Variants in PLD1 observed in about 807,000 individuals in gnomAD.
PLD1 encodes the protein phospholipase D1, also known as choline phosphatase 1.
Under a neutral mutation model 137.1 loss-of-function variants are expected in PLD1, and 112 were observed. The ratio of observed to expected loss-of-function variants is 0.82; its 90% confidence interval spans 0.70 to 0.96. The LOEUF (loss-of-function observed/expected upper bound fraction) is 0.96, where lower values mean the gene tolerates loss of function less well. Among genes scored for constraint, PLD1 ranks in the 40% least tolerant of loss-of-function variants. The probability of loss-of-function intolerance (pLI) is 0.00; values close to 1 mark genes in which losing one functional copy is unlikely to be tolerated. For synonymous variants in PLD1, 431 were observed against 454.7 expected (o/e 0.95, Z 0.66); for missense variants, 1,321 against 1,342.0 (o/e 0.98, Z 0.24).
rs1560289359 is a variant in PLD1, at chr3:171,764,938, GAAA to G, written c.-31-26859_-31-26857del. Reference sequence around the variant, plus strand: ...AAAGAAAGAAAGGAAAGAAAGGAAAGAAAGAAAGAAAGAAAGAAAGAAAGAAAG... The same window carrying G: ...AAAGAAAGAAAGGAAAGAAAGGAAAGGAAAGAAAGAAAGAAAGAAAGAAAG... On this transcript the variant is annotated intron_variant, in intron 1 of 26. Transcript: ENST00000351298. Among the ~76,000 whole-genome samples the G allele has an allele frequency of 3.5e-3, 22 of 6,216 alleles. 1 individual carries two copies. The highest frequency in any genetic ancestry group is 7.2e-3 in the Admixed American group (3 of 414). The allele number at this position is 6,216 out of a possible 152,430, so 4.1% of individuals were successfully genotyped here. A position where few individuals can be genotyped will look rare whatever the true frequency, so the allele number is the denominator to read the frequency against.
chr3:171,606,687 T>A (rs1001739401), intron 25 of PLD1, among the ~76,000 whole-genome samples: 2 of 152,210 alleles, frequency 1.3e-5, no homozygotes, highest in African/African-American at 4.8e-5. Context: ...CTCCTTGTAT[T>A]TAAATAAATG....
At chr3:171,765,068 A>G (rs1208460389) in intron 1 of PLD1, 2 of 152,154 alleles carry the variant, frequency 1.3e-5, no homozygotes, top group East Asian at 3.8e-4. Context: ...AGAGAGAGGT[A>G]GGGAGGATGG....
At position 171,764,878 on chromosome 3, in the gene PLD1, A is replaced by G. The variant is rs868673422; in HGVS notation, c.-31-26796T>C. Among the ~76,000 whole-genome samples, 55 of 21,164 alleles carry G rather than the reference A, an allele frequency of 2.6e-3. 1 individual carries two copies. Among genetic ancestry groups the G allele is most frequent in the African/African-American group, 5.0e-3 (26 of 5,226 alleles). The allele number at this position is 21,164 out of a possible 152,430, so 13.9% of individuals were successfully genotyped here. Reference sequence around the variant, plus strand: ...AAGAAAGAAAGAAAGAAAGAAAGAAAGAAAGAAAGAAAGAAAGGAAGGAAG... The same window carrying G: ...AAGAAAGAAAGAAAGAAAGAAAGAAGGAAAGAAAGAAAGAAAGGAAGGAAG... On this transcript the variant is annotated intron_variant, in intron 1 of 26. Transcript: ENST00000351298.
intron 6 of PLD1, among the ~76,000 whole-genome samples, chr3:171,732,662 C>T (rs1043521074): frequency 6.6e-6 from 1 of 152,206 alleles, no homozygotes; most frequent in Non-Finnish European, 1.5e-5. Flanking sequence ...GAGTTCTGCA[C>T]ATATATAATA....
At chr3:171,679,219 C>T (rs991552320) in intron 16 of PLD1, among the ~76,000 whole-genome samples, 1 of 152,230 alleles carries the variant, frequency 6.6e-6, no homozygotes, top group African/African-American at 2.4e-5. Context: ...TTTATGTAAT[C>T]ACCACACACA....
At chr3:171,795,257 T>C (rs1723386871) in intron 1 of PLD1, among the ~76,000 whole-genome samples, 1 of 152,232 alleles carries the variant, frequency 6.6e-6, no homozygotes, top group South Asian at 2.1e-4. Flanking sequence ...GTGTCGCCCA[T>C]GGGAACCTGG....
intron 1 of PLD1, chr3:171,791,688 G>A (rs1448083278): frequency 6.6e-6 from 1 of 152,164 alleles, no homozygotes; most frequent in Non-Finnish European, 1.5e-5. Flanking sequence ...TAAAAGGCTG[G>A]ATCGAAGTAT....
chr3:171,779,950 A>C lies in PLD1; in HGVS notation c.-32+30449T>G, dbSNP rs369114091. On this transcript the variant is annotated intron_variant, in intron 1 of 26. Coordinates refer to ENST00000351298, the MANE Select transcript of PLD1 (RefSeq NM_002662.5). The stretch of plus-strand genomic sequence containing the variant: ...TGGAGACGTAAGTCTGAGATTCAGG[A>C]CTGGGGTTAGGATATGTAAGTCTGA... Among the ~76,000 whole-genome samples the C allele has an allele frequency of 5.7e-3, 821 of 143,476 alleles. 6 individuals carry two copies. Among genetic ancestry groups the C allele is most frequent in the African/African-American group, 0.021 (788 of 38,330 alleles). 94.1% of individuals were successfully genotyped at this position (143,476 alleles called of 152,430 possible).
chr3:171,795,991 C>T (rs1723418159), intron 1 of PLD1, among the ~76,000 whole-genome samples: 1 of 152,172 alleles, frequency 6.6e-6, no homozygotes, highest in Admixed American at 6.5e-5. Flanking sequence ...CTTTCTACTT[C>T]CTAGGATATA....
chr3:171,624,190 A>T (rs1265059045), intron 23 of PLD1, among the ~76,000 whole-genome samples: 7 of 152,170 alleles, frequency 4.6e-5, no homozygotes, highest in Non-Finnish European at 1.0e-4. Flanking sequence ...AAGGGAAAAG[A>T]AAATCAAAAT....
chr3:171,741,765 G>T (rs1365651568), intron 1 of PLD1, among the ~76,000 whole-genome samples: 7 of 152,164 alleles, frequency 4.6e-5, no homozygotes, highest in Admixed American at 4.6e-4. Flanking sequence ...ATTCAGTGAT[G>T]AAATCAGATA....
intron 24 of PLD1, among the ~76,000 whole-genome samples, chr3:171,614,220 C>T (rs1732905991): frequency 1.3e-5 from 2 of 152,164 alleles, no homozygotes; most frequent in South Asian, 2.1e-4. Context: ...TGTGAGAATG[C>T]TACTGGAGTG....
At chr3:171,743,221 T>C (rs1719909437) in intron 1 of PLD1, among the ~76,000 whole-genome samples, 2 of 152,190 alleles carry the variant, frequency 1.3e-5, no homozygotes, top group South Asian at 4.1e-4. Flanking sequence ...GCTAGTGTCA[T>C]CTTTAATTCT....
chr3:171,688,694 C>T lies in PLD1; in HGVS notation c.1521G>A (p.Pro507=), dbSNP rs201783123. ...TACTTACTGGGAGGGAACCCAGAGACGGTCCTGAAGTGACCCGCTTCACAC... is the reference window on the plus strand; with the variant it reads ...TACTTACTGGGAGGGAACCCAGAGATGGTCCTGAAGTGACCCGCTTCACAC... ...VGSVKRVTSG[P]SLGSLPPAAM... Residue 507 remains proline, a synonymous_variant, in exon 14 of 27, where the codon CCG becomes CCA. Transcript: ENST00000351298. The T allele has an allele frequency of 8.6e-5, 139 of 1,613,334 alleles. 2 individuals carry two copies. The highest frequency in any genetic ancestry group is 6.6e-4 in the South Asian group (60 of 91,074).
chr3:171,707,096 T>C (rs575121428), intron 11 of PLD1, among the ~76,000 whole-genome samples: 2 of 152,248 alleles, frequency 1.3e-5, no homozygotes, highest in East Asian at 3.9e-4. Context: ...TGTTCTCACT[T>C]ATAAGTGGGA....
intron 12 of PLD1, among the ~76,000 whole-genome samples, chr3:171,695,983 T>G (rs545086976): frequency 3.9e-5 from 6 of 152,234 alleles, no homozygotes; most frequent in Non-Finnish European, 7.3e-5. Context: ...CAAGCCACTG[T>G]TGCCCACCAC....
chr3:171,625,923 G>A (rs180886898), intron 23 of PLD1, among the ~76,000 whole-genome samples: 5,177 of 152,156 alleles, frequency 0.034, 319 homozygotes, highest in African/African-American at 0.12. Context: ...AGAAAAACCG[G>A]AAACTCTAAA....
intron 1 of PLD1, among the ~76,000 whole-genome samples, chr3:171,749,591 T>G (rs1720511877): frequency 6.6e-6 from 1 of 152,250 alleles, no homozygotes; most frequent in Admixed American, 6.5e-5. Flanking sequence ...TATATGAAAC[T>G]GCAAGGAAAC....
intron 16 of PLD1, 113 bp downstream of exon 16, chr3:171,686,572 T>C (rs1714578739): frequency 3.0e-6 from 2 of 664,528 alleles, no homozygotes; most frequent in African/African-American, 1.8e-5. Context: ...ATACGTAGCA[T>C]AAAAATTGCA....
Sources: gnomAD v4.1 joint callset for allele counts (sites outside exome capture counted in the v4.1 genomes callset) on GRCh38, gnomAD v4.1.1 for gene constraint, MANE v1.5 for transcripts, NCBI Gene and HGNC (gene_info 2026-07-23, HGNC 2026-07-21) for gene names.